Variants in PARD3 observed in about 807,000 individuals in gnomAD.
The protein encoded by PARD3 is partitioning defective 3 homolog.
A neutral mutation model predicts 155.4 loss-of-function variants in PARD3; 75 were observed. The ratio of observed to expected loss-of-function variants is 0.48; its 90% CI spans 0.40 to 0.58. The LOEUF is 0.58. PARD3 is among the 20% of genes least tolerant of loss of function. The probability of loss-of-function intolerance (pLI) is 0.00; values close to 1 mark genes in which losing one functional copy is unlikely to be tolerated. For missense variants in PARD3, 1,642 were observed against 1,721.7 expected (o/e 0.95, Z 0.82); for synonymous variants, 576 against 610.5 (o/e 0.94, Z 0.83).
At chr10:34,565,682 G>T (rs888445563) in intron 2 of PARD3, among the ~76,000 whole-genome samples, 1 of 151,990 alleles carries the variant, frequency 6.6e-6, no homozygotes, top group Non-Finnish European at 1.5e-5. Flanking sequence ...CTCACACCAT[G>T]GCTTGATAAG....
chr10:34,686,292 CTT>C (rs1340473129), intron 2 of PARD3, among the ~76,000 whole-genome samples: 1 of 152,082 alleles, frequency 6.6e-6, no homozygotes, highest in African/African-American at 2.4e-5. Flanking sequence ...TCCTATGGCT[CTT>C]TTCTGTCTTT....
At chr10:34,529,854 C>A (rs1205954080) in intron 2 of PARD3, among the ~76,000 whole-genome samples, 5 of 152,222 alleles carry the variant, frequency 3.3e-5, no homozygotes, top group Non-Finnish European at 7.3e-5. Flanking sequence ...CCTGCCTCAG[C>A]CTCCTGTGAA....
intron 2 of PARD3, among the ~76,000 whole-genome samples, chr10:34,695,185 G>C (rs554849790): frequency 6.6e-6 from 1 of 152,144 alleles, no homozygotes; most frequent in Non-Finnish European, 1.5e-5. Flanking sequence ...AATACAAAAG[G>C]AGTGGCCAGG....
chr10:34,116,149 T>C (rs1031917799), intron 24 of PARD3, among the ~76,000 whole-genome samples: 4 of 152,246 alleles, frequency 2.6e-5, no homozygotes, highest in Admixed American at 1.3e-4. Context: ...CCAGTGTTTC[T>C]CATTGACATG....
chr10:34,744,080 C>G (rs1835010035), intron 1 of PARD3, among the ~76,000 whole-genome samples: 2 of 152,180 alleles, frequency 1.3e-5, no homozygotes. Context: ...ACTAGAGCAG[C>G]AAAAATCTCA....
At chr10:34,345,291 G>A (rs781558323) in intron 15 of PARD3, 231 of 985,124 alleles carry the variant, frequency 2.3e-4, no homozygotes, top group Middle Eastern at 1.0e-3. Flanking sequence ...AAAGCCTTTC[G>A]CCAGGGATGT....
intron 18 of PARD3, among the ~76,000 whole-genome samples, chr10:34,335,425 C>T (rs971086496): frequency 6.6e-6 from 1 of 151,928 alleles, no homozygotes; most frequent in South Asian, 2.1e-4. Context: ...AACACTATTC[C>T]AAACTTATAA....
At chr10:34,166,838 T>G (rs1233677222) in intron 22 of PARD3, among the ~76,000 whole-genome samples, 1 of 152,150 alleles carries the variant, frequency 6.6e-6, no homozygotes, top group Non-Finnish European at 1.5e-5. Flanking sequence ...TGTTGTAAGG[T>G]GTGTTTTTTC....
At chr10:34,588,723 G>T (rs530196484) in intron 2 of PARD3, among the ~76,000 whole-genome samples, 3 of 152,104 alleles carry the variant, frequency 2.0e-5, no homozygotes, top group Non-Finnish European at 4.4e-5. Context: ...ACACTGAGTG[G>T]TTCTGAAACA....
At chr10:34,688,932 TAC>T (rs2093998821) in intron 2 of PARD3, among the ~76,000 whole-genome samples, 1 of 152,180 alleles carries the variant, frequency 6.6e-6, no homozygotes, top group African/African-American at 2.4e-5. Flanking sequence ...TCTTCCCTGC[TAC>T]AGAGGCAGAG....
chr10:34,453,442 G>C (rs2077167113), intron 4 of PARD3, among the ~76,000 whole-genome samples: 1 of 151,986 alleles, frequency 6.6e-6, no homozygotes, highest in African/African-American at 2.4e-5. Context: ...TTAAACCCAA[G>C]CACTCAGCAC....
chr10:34,158,345 A>C (rs544568030), intron 22 of PARD3, among the ~76,000 whole-genome samples: 4 of 152,224 alleles, frequency 2.6e-5, no homozygotes, highest in Admixed American at 2.0e-4. Context: ...TTCTGAAGTC[A>C]TCTCTTTCCA....
At chr10:34,312,185 A>T (rs1957735546) in intron 20 of PARD3, 3 of 1,265,508 alleles carry the variant, frequency 2.4e-6, no homozygotes, top group Non-Finnish European at 3.2e-6. Flanking sequence ...CAAAAGTTCC[A>T]AATGGATTAA....
rs868680417 is a variant in PARD3, at chr10:34,675,238, G to A, written c.222+21080C>T. Among the ~76,000 whole-genome samples the A allele has an allele frequency of 3.7e-4, 56 of 151,722 alleles. 1 individual carries two copies. Among genetic ancestry groups the A allele is most frequent in the Middle Eastern group, 6.8e-3 (2 of 294 alleles). On this transcript the variant is annotated intron_variant, in intron 2 of 24. Transcript: ENST00000374788. ...TCTAACTTTCTGAGTTAGCATCATT[G>A]TTTTTCTGCTGTTAAGCAACTTTGT... is the stretch of plus-strand genomic sequence containing the variant.
chr10:34,665,879 A>ACCAGAACCAGAAC (rs1564479812), intron 2 of PARD3, among the ~76,000 whole-genome samples: 3 of 151,646 alleles, frequency 2.0e-5, no homozygotes, highest in African/African-American at 7.3e-5. Flanking sequence ...ACAGAACAGA[A>ACCAGAACCAGAAC]CAGAACAGAA....
chr10:34,615,010 C>G (rs1229468989), intron 2 of PARD3, among the ~76,000 whole-genome samples: 1 of 152,080 alleles, frequency 6.6e-6, no homozygotes, highest in Non-Finnish European at 1.5e-5. Context: ...AACCACGTCT[C>G]TACTAAAAAT....
chr10:34,683,905 G>A (rs941643996), intron 2 of PARD3, among the ~76,000 whole-genome samples: 2 of 152,160 alleles, frequency 1.3e-5, no homozygotes, highest in South Asian at 2.1e-4. Context: ...CTTAAATGTT[G>A]GGAAGTCATC....
Position 34,682,961 on chromosome 10 carries a change from T to A in PARD3, c.222+13357A>T, listed in dbSNP as rs1447792998. On this transcript the variant is annotated intron_variant, in intron 2 of 24. Transcript: ENST00000374788. ...TTGACAATGGTGGTGGTGGTGGTGA[T>A]GGTGGCCGACAACGGCAACCACAAT... Among the ~76,000 whole-genome samples the A allele has an allele frequency of 2.0e-5, 3 of 152,324 alleles. No homozygotes were observed. The East Asian group carries it at 5.8e-4, about 29-fold the overall frequency.
chr10:34,503,405 G>A (rs1349116982), intron 3 of PARD3, among the ~76,000 whole-genome samples: 1 of 152,040 alleles, frequency 6.6e-6, no homozygotes, highest in Admixed American at 6.6e-5. Flanking sequence ...TGATCTAACT[G>A]TATTTTCTCA....
Sources: gnomAD v4.1 joint callset for allele counts (sites outside exome capture counted in the v4.1 genomes callset) on GRCh38, gnomAD v4.1.1 for gene constraint, MANE v1.5 for transcripts, NCBI Gene and HGNC (gene_info 2026-07-23, HGNC 2026-07-21) for gene names.